Variants in MGAT4C observed in about 807,000 individuals in gnomAD.
MGAT4C encodes the protein alpha-1,3-mannosyl-glycoprotein 4-beta-N-acetylglucosaminyltransferase C.
In MGAT4C, 19 loss-of-function variants were observed where a neutral mutation model predicts 40.1. The observed-to-expected ratio is 0.47, with a 90% CI of 0.33 to 0.70. MGAT4C has a LOEUF of 0.70. Ranked by LOEUF, MGAT4C falls within the 30% of genes least tolerant of loss-of-function variation. The pLI is 0.02. For synonymous variants in MGAT4C, 181 were observed against 187.1 expected, an observed-to-expected ratio of 0.97 and a Z score of 0.27; for missense variants, 491 against 563.2, an observed-to-expected ratio of 0.87 and a Z score of 1.30.
chr12:86,033,279 G>GT (rs1890926351), intron 2 of MGAT4C, among the ~76,000 whole-genome samples: 1 of 149,400 alleles, frequency 6.7e-6, no homozygotes, highest in East Asian at 1.9e-4. Flanking sequence ...TTTTCAGATA[G>GT]TTTTCCCCCC....
chr12:86,040,504 C>T (rs1024828356), intron 2 of MGAT4C, among the ~76,000 whole-genome samples: 4 of 152,280 alleles, frequency 2.6e-5, no homozygotes, highest in East Asian at 1.9e-4. Context: ...CTGCCCAGTT[C>T]GAACTTCCCC....
At chr12:86,791,213 C>G (rs1403819225) in intron 1 of MGAT4C, among the ~76,000 whole-genome samples, 3 of 152,020 alleles carry the variant, frequency 2.0e-5, no homozygotes, top group Non-Finnish European at 4.4e-5. Flanking sequence ...CAAAAATTCT[C>G]TCTGAAAAGT....
chr12:86,373,918 C>CACTGTTACAACA (rs1284124459), intron 3 of MGAT4C, among the ~76,000 whole-genome samples: 54 of 152,126 alleles, frequency 3.5e-4, no homozygotes, highest in African/African-American at 1.3e-3. Context: ...CATTAACAAC[C>CACTGTTACAACA]ACTGCTGTAT....
intron 3 of MGAT4C, among the ~76,000 whole-genome samples, chr12:86,393,148 C>T (rs1956187286): frequency 6.6e-6 from 1 of 152,012 alleles, no homozygotes; most frequent in African/African-American, 2.4e-5. Context: ...CTTATAATTA[C>T]AATTATGTAG....
At chr12:86,679,015 A>T (rs1392387006) in intron 2 of MGAT4C, among the ~76,000 whole-genome samples, 1 of 152,124 alleles carries the variant, frequency 6.6e-6, no homozygotes, top group Non-Finnish European at 1.5e-5. Flanking sequence ...ACTGACTTCC[A>T]CAATGGTTGA....
At chr12:86,526,083 T>C (rs1482140608) in intron 2 of MGAT4C, among the ~76,000 whole-genome samples, 1 of 152,158 alleles carries the variant, frequency 6.6e-6, no homozygotes, top group South Asian at 2.1e-4. Context: ...GAGTTCCTGC[T>C]GGTAACTGTG....
intron 1 of MGAT4C, among the ~76,000 whole-genome samples, chr12:86,250,286 C>T (rs1181445554): frequency 6.7e-6 from 1 of 150,210 alleles, no homozygotes; most frequent in African/African-American, 2.5e-5. Flanking sequence ...ATGTTAGATG[C>T]TTCATTAAAA....
chr12:86,357,539 G>A (rs1004442662), intron 3 of MGAT4C, among the ~76,000 whole-genome samples: 3 of 152,124 alleles, frequency 2.0e-5, no homozygotes, highest in Non-Finnish European at 4.4e-5. Flanking sequence ...CCGAGCTAAA[G>A]GAGGATGTTC....
chr12:86,768,132 C>T lies in MGAT4C; in HGVS notation c.-261-40891G>A, dbSNP rs1172630207. ...TCTAGAAAACCCCATTGTCTCAGCC[C>T]AAAATCTCCTTAAGCTGATAAGCAA... is the stretch of plus-strand genomic sequence containing the variant. On this transcript the variant is annotated intron_variant, in intron 1 of 7. Coordinates refer to the MGAT4C transcript ENST00000548651. 5.3e-5 allele frequency among the ~76,000 whole-genome samples: 8 copies of T among 152,194 alleles called. No homozygotes were observed. In the East Asian group the frequency reaches 7.7e-4, roughly 15 times the overall value.
At chr12:86,582,866 C>T (rs1162655303) in intron 2 of MGAT4C, among the ~76,000 whole-genome samples, 1 of 151,226 alleles carries the variant, frequency 6.6e-6, no homozygotes, top group African/African-American at 2.4e-5. Flanking sequence ...AACATTCAAA[C>T]TCCTTCGGGT....
intron 2 of MGAT4C, among the ~76,000 whole-genome samples, chr12:86,498,510 C>A (rs1306388973): frequency 1.3e-5 from 2 of 151,810 alleles, no homozygotes; most frequent in South Asian, 4.1e-4. Context: ...TACACAATAT[C>A]TATTACAAAA....
At chr12:86,115,676 T>C (rs1878294770) in intron 1 of MGAT4C, among the ~76,000 whole-genome samples, 1 of 152,000 alleles carries the variant, frequency 6.6e-6, no homozygotes, top group Non-Finnish European at 1.5e-5. Flanking sequence ...AAGGGGAATA[T>C]AAATGAGATG....
At chr12:86,332,319 A>G (rs1198969831) in intron 4 of MGAT4C, among the ~76,000 whole-genome samples, 3 of 152,120 alleles carry the variant, frequency 2.0e-5, no homozygotes, top group Non-Finnish European at 4.4e-5. Flanking sequence ...CTTAAAACTC[A>G]AGGAAAGATA....
chr12:86,304,341 AT>A, intron 4 of MGAT4C, among the ~76,000 whole-genome samples: 1 of 150,596 alleles, frequency 6.6e-6, no homozygotes, highest in African/African-American at 2.5e-5. Context: ...TATTTTTGGC[AT>A]TTTTGTGAAA....
intron 2 of MGAT4C, among the ~76,000 whole-genome samples, chr12:86,674,010 C>A (rs1964328562): frequency 6.6e-6 from 1 of 151,862 alleles, no homozygotes; most frequent in Admixed American, 6.6e-5. Flanking sequence ...ATCTCCTTGC[C>A]TTTATTACAT....
chr12:86,633,913 GT>G (rs913742409), intron 2 of MGAT4C, among the ~76,000 whole-genome samples: 12 of 148,504 alleles, frequency 8.1e-5, no homozygotes, highest in African/African-American at 1.7e-4. Context: ...TTTTGCTCGA[GT>G]TTTTTTTTTA....
chr12:86,164,468 T>G (rs1349453359), intron 1 of MGAT4C, among the ~76,000 whole-genome samples: 1 of 152,198 alleles, frequency 6.6e-6, no homozygotes, highest in Non-Finnish European at 1.5e-5. Flanking sequence ...GGGTGCAAAG[T>G]TGAGCAATAA....
At chr12:86,331,016 C>G (rs1954653364) in intron 4 of MGAT4C, among the ~76,000 whole-genome samples, 1 of 152,120 alleles carries the variant, frequency 6.6e-6, no homozygotes, top group South Asian at 2.1e-4. Flanking sequence ...CAACTCTGGT[C>G]TTCTTAGAAG....
rs527751075 is a variant in MGAT4C at position 86,301,247 on chromosome 12, C to G, written c.-57+32818G>C. On this transcript the variant is annotated intron_variant, in intron 4 of 7. Transcript: ENST00000548651. ...TGTAACTGAAAGAGTCTTGTAATTA[C>G]TTTCATAGATAAGAATCATTTATCA... 1.7e-3 allele frequency among the ~76,000 whole-genome samples: 256 copies of G among 152,200 alleles called. 1 individual carries two copies. The highest frequency in any genetic ancestry group is 5.8e-3 in the African/African-American group (239 of 41,548).
Sources: gnomAD v4.1 joint callset for allele counts (sites outside exome capture counted in the v4.1 genomes callset) on GRCh38, gnomAD v4.1.1 for gene constraint, MANE v1.5 for transcripts, NCBI Gene and HGNC (gene_info 2026-07-23, HGNC 2026-07-21) for gene names.